The following YJU2 variants were observed in gnomAD, a reference collection of about 807,000 sequenced individuals.
YJU2 encodes the protein splicing factor YJU2.
In YJU2, 28 loss-of-function variants were observed where a neutral mutation model predicts 39.6. The ratio of observed to expected loss-of-function variants is 0.71; its 90% confidence interval spans 0.52 to 0.97. The LOEUF is 0.97. Ranked by LOEUF, YJU2 falls within the 50% of genes least tolerant of loss-of-function variation. The probability of loss-of-function intolerance (pLI) is 0.00; values close to 1 mark genes in which losing one functional copy is unlikely to be tolerated. For missense variants in YJU2, 328 were observed against 430.4 expected (o/e 0.76, Z 2.11); for synonymous variants, 184 against 182.4 (o/e 1.01, Z -0.07).
At position 4,259,224 on chromosome 19, in the gene YJU2, A is replaced by T. The variant is rs1227547309; in HGVS notation, c.587+801A>T. Among the ~76,000 whole-genome samples the T allele has an allele frequency of 2.0e-5, 3 of 150,550 alleles. No homozygotes were observed. The South Asian group carries it at 6.3e-4, about 31-fold the overall frequency. Reference sequence around the variant, plus strand: ...CTCCCGAGTAGCTGGGATTAGAGGCATCCGCCACCAAGCCCGGCTAATTTT... The same window carrying T: ...CTCCCGAGTAGCTGGGATTAGAGGCTTCCGCCACCAAGCCCGGCTAATTTT... On this transcript the variant is annotated intron_variant, in intron 5 of 7. Transcript: ENST00000262962.
chr19:4,253,179 G>A (rs949316818), intron 3 of YJU2, among the ~76,000 whole-genome samples: 5 of 148,942 alleles, frequency 3.4e-5, no homozygotes, highest in Non-Finnish European at 5.9e-5. Context: ...GGGCAACATA[G>A]TGAGACCCTG....
At position 4,267,759 on chromosome 19, in the gene YJU2, G is replaced by T. The variant is rs759233410; in HGVS notation, c.844G>T (p.Ala282Ser). 1.2e-6 allele frequency: 2 copies of T among 1,612,342 alleles called. No individual in the cohort carries two copies. The highest frequency in any genetic ancestry group is 3.3e-5 in the Admixed American group (2 of 59,908). ...GGACTGCAGCAACGGGCAGCCTCAG[G>T]CGGCCCCCACCCCAGGTAAGGTCAC... is the stretch of plus-strand genomic sequence containing the variant. ...DPDCSNGQPQ[A>S]APTPGAPQNR... Residue 282 changes from alanine (A) to serine (S), a missense_variant, in exon 7 of 8, where the codon GCG (alanine) becomes TCG (serine). Ala to Ser is a moderately conservative substitution (Grantham distance 99). Transcript: ENST00000262962.
chr19:4,253,202 C>CACAT (rs1970991720), intron 3 of YJU2, among the ~76,000 whole-genome samples: 1 of 105,814 alleles, frequency 9.5e-6, no homozygotes, highest in South Asian at 2.7e-4. Context: ...CGTGTCTACA[C>CACAT]ACACACACAC....
chr19:4,247,644 T>C lies in YJU2; in HGVS notation c.24+474T>C, dbSNP rs1568359648. ...GTGTGTGTGTGTGTGTGTGTGTGTG[T>C]GTGTGTGTGTGTGTGTGTGTGTGTG... On this transcript the variant is annotated intron_variant, in intron 1 of 7. Coordinates refer to ENST00000262962, the MANE Select transcript of YJU2 (RefSeq NM_018074.6). Among the ~76,000 whole-genome samples the C allele has an allele frequency of 3.9e-3, 213 of 54,724 alleles. 18 individuals are homozygous for C. Among genetic ancestry groups the C allele is most frequent in the East Asian group, 0.01 (17 of 1,656 alleles). 35.9% of individuals were successfully genotyped at this position (54,724 alleles called of 152,430 possible).
At position 4,251,118 on chromosome 19, in the gene YJU2, A is replaced by G. The variant is rs772334055; in HGVS notation, c.217A>G (p.Ile73Val). The change falls in exon 3 of 8, where the codon ATC (isoleucine) becomes GTC (valine). Residue 73 changes from isoleucine to valine, a missense_variant. Coordinates refer to ENST00000262962, the MANE Select transcript of YJU2 (RefSeq NM_018074.6). Reference protein sequence around the residue: ...VQNEVYLGLPIFRFYIKCTRC... With the variant: ...VQNEVYLGLPVFRFYIKCTRC... ...GAACGAGGTCTACCTGGGCCTGCCC[A>G]TCTTCCGCTTTTACATCAAGTGCAC... is the stretch of plus-strand genomic sequence containing the variant. 14 of 1,614,100 alleles carry G rather than the reference A, an allele frequency of 8.7e-6. No homozygotes were observed. The highest frequency in any genetic ancestry group is 1.1e-5 in the Non-Finnish European group (13 of 1,180,034).
chr19:4,258,342 T>C lies in YJU2; in HGVS notation c.506T>C (p.Phe169Ser). 1 of 1,589,934 alleles carries C rather than the reference T, an allele frequency of 6.3e-7. No homozygotes were observed. The highest frequency in any genetic ancestry group is 1.1e-5 in the South Asian group (1 of 87,010). Residue 169 changes from phenylalanine (F) to serine (S), a missense_variant, in exon 5 of 8, where the codon TTC becomes TCC. Phe to Ser is a radical substitution (Grantham distance 155). Around this residue, in one of 2 missense-constraint regions of YJU2, gnomAD observed 244 missense variants for 264.6 expected, o/e 0.92. Coordinates refer to ENST00000262962, the MANE Select transcript of YJU2 (RefSeq NM_018074.6). ...AACCAGCGGCAGGCGCACGTGGACT[T>C]CGAGGCTATGCTGAGGCAGCACCGC... ...DLNQRQAHVD[F>S]EAMLRQHRLS...
chr19:4,265,846 G>A (rs958463483), intron 6 of YJU2, among the ~76,000 whole-genome samples: 1 of 151,922 alleles, frequency 6.6e-6, no homozygotes, highest in African/African-American at 2.4e-5. Flanking sequence ...TGGTCCACCC[G>A]CCTCGGCCTC....
rs998652246 is a variant in YJU2, at chr19:4,249,470, C to G, written c.125+142C>G. On this transcript the variant is annotated intron_variant, in intron 2 of 7. Transcript: ENST00000262962. ...CTGGCTCAGACATTGACCATTCCAA[C>G]CCTCCTTCGCCTCACCACTTGGGAT... 6.8e-6 allele frequency: 4 copies of G among 588,402 alleles called. No homozygotes were observed. The Admixed American group carries it at 1.2e-4, about 18-fold the overall frequency. The allele number at this position is 588,402 out of a possible 1,614,324, so 36.4% of individuals were successfully genotyped here. A position where few individuals can be genotyped will look rare whatever the true frequency, so the allele number is the denominator to read the frequency against.
chr19:4,248,626 C>T (rs1014993945), intron 1 of YJU2, among the ~76,000 whole-genome samples: 4 of 152,112 alleles, frequency 2.6e-5, no homozygotes, highest in Non-Finnish European at 4.4e-5. Context: ...CAAAGCTTAA[C>T]CTCTACAAAG....
intron 6 of YJU2, 47 bp from the exon 7 acceptor site, chr19:4,267,577 G>T: frequency 6.3e-7 from 1 of 1,594,212 alleles, no homozygotes; most frequent in Non-Finnish European, 8.6e-7. Context: ...GCCAGACTGG[G>T]CCCTGGATCC....
At chr19:4,249,708 C>CT (rs111734725) in intron 2 of YJU2, among the ~76,000 whole-genome samples, 3,367 of 143,112 alleles carry the variant, frequency 0.024, 79 homozygotes, top group African/African-American at 0.059. Flanking sequence ...TTCTTTCTTT[C>CT]TTTTTTTTTT....
chr19:4,262,189 T>C, intron 6 of YJU2, 75 bp downstream of exon 6: 1 of 1,472,390 alleles, frequency 6.8e-7, no homozygotes, highest in Non-Finnish European at 9.1e-7. Flanking sequence ...AGCTTGACTT[T>C]TTCTTTTGTT....
Position 4,268,949 on chromosome 19 carries a change from G to A in YJU2, c.*253G>A, listed in dbSNP as rs1971141082. On this transcript the variant is annotated 3_prime_UTR_variant, in exon 8 of 8. Transcript: ENST00000262962. ...GCCCCCACCTGTCACTGTGCTTAGG[G>A]CTGCAACATCCCTGGAGCAGCTTCC... is the stretch of plus-strand genomic sequence containing the variant. 1.6e-5 allele frequency: 8 copies of A among 513,988 alleles called. No individual in the cohort carries two copies. Among genetic ancestry groups the A allele is most frequent in the Non-Finnish European group, 2.8e-5 (8 of 283,210 alleles). 31.8% of individuals were successfully genotyped at this position (513,988 alleles called of 1,614,324 possible). A position where few individuals can be genotyped will look rare whatever the true frequency, so the allele number is the denominator to read the frequency against.
chr19:4,248,229 G>A (rs1032525360), intron 1 of YJU2: 25 of 152,192 alleles, frequency 1.6e-4, no homozygotes, highest in African/African-American at 6.0e-4. Context: ...TGGGAAACAG[G>A]AGCCCTGGGA....
intron 5 of YJU2, 34 bp downstream of exon 5, chr19:4,258,457 C>T (rs553575645): frequency 1.9e-5 from 30 of 1,550,460 alleles, no homozygotes; most frequent in Middle Eastern, 2.3e-4. Flanking sequence ...AGCCCCACCT[C>T]GCAGCCTCTG....
At chr19:4,263,931 A>C (rs1183219059) in intron 6 of YJU2, among the ~76,000 whole-genome samples, 1 of 151,894 alleles carries the variant, frequency 6.6e-6, no homozygotes, top group Non-Finnish European at 1.5e-5. Flanking sequence ...AGGTGGTAAA[A>C]GTAGGGGCTC....
At chr19:4,268,093 A>T (rs1485874701) in intron 7 of YJU2, among the ~76,000 whole-genome samples, 1 of 151,792 alleles carries the variant, frequency 6.6e-6, no homozygotes, top group Admixed American at 6.6e-5. Flanking sequence ...CTGGGACTAC[A>T]GCACCACGCC....
Position 4,247,571 on chromosome 19 carries a change from GT to G in YJU2, c.24+402del, listed in dbSNP as rs1479557889. ...AATCGTGTACTTTGGGTGGGGTGGG[GT>G]GGGGTGGCGCGTGTGTGTGTGTGTG... On this transcript the variant is annotated intron_variant, in intron 1 of 7. Coordinates refer to ENST00000262962, the MANE Select transcript of YJU2 (RefSeq NM_018074.6). Among the ~76,000 whole-genome samples the G allele has an allele frequency of 1.7e-3, 152 of 89,454 alleles. 15 individuals carry two copies. Among genetic ancestry groups the G allele is most frequent in the African/African-American group, 9.8e-3 (110 of 11,168 alleles). 58.7% of individuals were successfully genotyped at this position (89,454 alleles called of 152,430 possible).
At chr19:4,263,727 T>C (rs1971090920) in intron 6 of YJU2, among the ~76,000 whole-genome samples, 1 of 150,484 alleles carries the variant, frequency 6.6e-6, no homozygotes, top group Non-Finnish European at 1.5e-5. Flanking sequence ...GGAGAATCAC[T>C]TGAACCTGGG....
Sources: gnomAD v4.1 joint callset for allele counts (sites outside exome capture counted in the v4.1 genomes callset) on GRCh38, gnomAD v4.1.1 for gene constraint, gnomAD v4.1.1 regional missense constraint, MANE v1.5 for transcripts, NCBI Gene and HGNC (gene_info 2026-07-23, HGNC 2026-07-21) for gene names.